The following MSH3 variants were observed in gnomAD, a reference collection of about 807,000 sequenced individuals.
MSH3 encodes the protein mutS homolog 3.
A neutral mutation model predicts 123.3 loss-of-function variants in MSH3; 106 were observed. That is an observed-to-expected ratio of 0.86 (90% CI 0.73 to 1.01). MSH3 has a LOEUF of 1.01. Ranked by LOEUF, MSH3 falls within the 50% of genes least tolerant of loss-of-function variation. The pLI, the probability that MSH3 is intolerant of heterozygous loss-of-function variation, is 0.00. For missense variants in MSH3, 1,459 were observed against 1,347.6 expected, an observed-to-expected ratio of 1.08 and a Z score of -1.29; for synonymous variants, 515 against 481.4, an observed-to-expected ratio of 1.07 and a Z score of -0.91.
At chr5:80,856,130 C>G (rs989565939) in intron 21 of MSH3, among the ~76,000 whole-genome samples, 2 of 152,088 alleles carry the variant, frequency 1.3e-5, no homozygotes, top group Non-Finnish European at 2.9e-5. Context: ...AGTGATCCAC[C>G]TGCCTTGGCT....
At chr5:80,678,827 T>A (rs836807) in intron 7 of MSH3, 100 bp from the exon 8 acceptor site, 2 of 1,318,156 alleles carry the variant, frequency 1.5e-6, no homozygotes, top group Non-Finnish European at 1.1e-6. Flanking sequence ...TACATACTCC[T>A]GAGTGTATCA....
intron 8 of MSH3, among the ~76,000 whole-genome samples, chr5:80,681,873 A>T (rs1244671149): frequency 6.6e-6 from 1 of 152,180 alleles, no homozygotes; most frequent in African/African-American, 2.4e-5. Context: ...GAGATTTAAA[A>T]GCTTGAATTT....
intron 19 of MSH3, among the ~76,000 whole-genome samples, chr5:80,799,352 A>G (rs1744751323): frequency 6.6e-6 from 1 of 152,064 alleles, no homozygotes; most frequent in African/African-American, 2.4e-5. Flanking sequence ...TCTTACCATA[A>G]CCTGCTGTTG....
At chr5:80,730,310 G>A (rs1743388040) in intron 10 of MSH3, among the ~76,000 whole-genome samples, 2 of 152,170 alleles carry the variant, frequency 1.3e-5, no homozygotes, top group African/African-American at 4.8e-5. Flanking sequence ...TTAGAAACAT[G>A]TGAAATCGTA....
At chr5:80,874,525 A>G (rs1349383116) in intron 23 of MSH3, among the ~76,000 whole-genome samples, 1 of 152,258 alleles carries the variant, frequency 6.6e-6, no homozygotes, top group Non-Finnish European at 1.5e-5. Context: ...GAATTTAAAA[A>G]TAAACTTAGC....
At chr5:80,812,456 C>G (rs1489758048) in intron 19 of MSH3, among the ~76,000 whole-genome samples, 2 of 152,026 alleles carry the variant, frequency 1.3e-5, no homozygotes, top group African/African-American at 2.4e-5. Context: ...TTCTGTGATT[C>G]TTTTTAGCCT....
intron 19 of MSH3, among the ~76,000 whole-genome samples, chr5:80,805,761 A>G (rs374701194): frequency 6.6e-6 from 1 of 151,714 alleles, no homozygotes; most frequent in African/African-American, 2.4e-5. Context: ...CGAGCTCATT[A>G]TTGTATTTTT....
At chr5:80,814,141 AAC>A (rs1352344310) in intron 20 of MSH3, among the ~76,000 whole-genome samples, 2 of 151,818 alleles carry the variant, frequency 1.3e-5, no homozygotes, top group East Asian at 3.9e-4. Flanking sequence ...AAAAAAAAAA[AAC>A]AAAAACAAAA....
chr5:80,732,333 A>T (rs1743427271), intron 10 of MSH3, among the ~76,000 whole-genome samples: 1 of 152,214 alleles, frequency 6.6e-6, no homozygotes. Context: ...TTTAGGAAAG[A>T]GTGAGAAAAT....
At chr5:80,803,093 T>TAC (rs1744821502) in intron 19 of MSH3, among the ~76,000 whole-genome samples, 1 of 137,636 alleles carries the variant, frequency 7.3e-6, no homozygotes, top group South Asian at 2.4e-4. Flanking sequence ...TATATATATA[T>TAC]ACCTAGCAGT....
At chr5:80,676,739 T>A (rs905318865) in intron 7 of MSH3, among the ~76,000 whole-genome samples, 1 of 152,232 alleles carries the variant, frequency 6.6e-6, no homozygotes, top group African/African-American at 2.4e-5. Flanking sequence ...CTACAGGCAT[T>A]TGGACCTATA....
intron 21 of MSH3, among the ~76,000 whole-genome samples, chr5:80,859,710 CTCT>C (rs1561501884): frequency 4.2e-5 from 6 of 143,610 alleles, no homozygotes; most frequent in African/African-American, 7.8e-5. Context: ...TTCATTTTCT[CTCT>C]TTTTTTTTTT....
intron 8 of MSH3, among the ~76,000 whole-genome samples, chr5:80,717,751 T>A (rs1197852580): frequency 6.6e-6 from 1 of 152,314 alleles, no homozygotes; most frequent in African/African-American, 2.4e-5. Context: ...ATTTTCCTGA[T>A]GATTAATGAG....
In MSH3 at chr5:80,823,631, T is replaced by TC. The variant is rs375347082; in HGVS notation, c.2813+9892dup. On this transcript the variant is annotated intron_variant, in intron 20 of 23. Coordinates refer to ENST00000265081, the MANE Select transcript of MSH3 (RefSeq NM_002439.5). ...TTCAGTGCACATTAAATTTTTTTTT[T>TC]CCATGGAGCTTTAAAAAAAATACTG... Among the ~76,000 whole-genome samples the TC allele has an allele frequency of 3.4e-3, 512 of 151,934 alleles. 5 individuals are homozygous for TC. The highest frequency in any genetic ancestry group is 7.6e-3 in the African/African-American group (315 of 41,428).
At chr5:80,673,829 T>C (rs1482369813) in intron 6 of MSH3, among the ~76,000 whole-genome samples, 1 of 152,112 alleles carries the variant, frequency 6.6e-6, no homozygotes, top group Non-Finnish European at 1.5e-5. Context: ...AAAAGCCAAA[T>C]AATTATATGT....
At chr5:80,764,978 C>T (rs1026947233) in intron 13 of MSH3, among the ~76,000 whole-genome samples, 35 of 152,142 alleles carry the variant, frequency 2.3e-4, no homozygotes, top group African/African-American at 8.2e-4. Context: ...ACTTGTGGGT[C>T]TGTGCTCAAG....
intron 19 of MSH3, among the ~76,000 whole-genome samples, chr5:80,810,886 T>C (rs1276799293): frequency 6.6e-6 from 1 of 152,180 alleles, no homozygotes; most frequent in Non-Finnish European, 1.5e-5. Flanking sequence ...TGTTTTATTT[T>C]GAATTACAGG....
rs750781725 is a variant in MSH3, at chr5:80,873,221, C to T, written c.3236C>T (p.Pro1079Leu). 6.2e-7 allele frequency: 1 copy of T among 1,613,946 alleles called. No homozygotes were observed. The highest frequency in any genetic ancestry group is 8.5e-7 in the Non-Finnish European group (1 of 1,179,934). ...AATGTGGCTAAACTAGCAGATGTTC[C>T]TGGAGAAATTTTGAAGAAAGCAGCT... is the stretch of plus-strand genomic sequence containing the variant. ...GLNVAKLADV[P>L]GEILKKAAHK... The change falls in exon 23 of 24, where the codon CCT (proline) becomes CTT (leucine). Residue 1079 changes from proline (P) to leucine (L), a missense_variant. Coordinates refer to ENST00000265081, the MANE Select transcript of MSH3 (RefSeq NM_002439.5).
intron 20 of MSH3, among the ~76,000 whole-genome samples, chr5:80,844,726 G>C (rs892599737): frequency 3.1e-4 from 23 of 75,180 alleles, no homozygotes; most frequent in Admixed American, 2.7e-3. Flanking sequence ...TGCAACCCCT[G>C]CTTTTTTTTT....
Sources: allele counts gnomAD v4.1 joint callset (sites outside exome capture counted in the v4.1 genomes callset), GRCh38; gene constraint gnomAD v4.1.1; transcripts MANE v1.5; gene names NCBI Gene and HGNC (gene_info 2026-07-23, HGNC 2026-07-21).